The following PGBD5 variants were observed in gnomAD, a reference collection of about 807,000 sequenced individuals.
PGBD5 encodes the protein piggyBac transposable element-derived protein 5.
Under a neutral mutation model 47.9 loss-of-function variants are expected in PGBD5, and 14 were observed. The observed-to-expected ratio is 0.29, with a 90% CI of 0.19 to 0.46. The LOEUF (loss-of-function observed/expected upper bound fraction) is 0.46. PGBD5 is among the 20% of genes least tolerant of loss of function. The probability of loss-of-function intolerance (pLI) is 1.00; values close to 1 mark genes in which losing one functional copy is unlikely to be tolerated. For missense variants in PGBD5, 635 were observed against 716.0 expected, an observed-to-expected ratio of 0.89 and a Z score of 1.29; for synonymous variants, 316 against 306.3, an observed-to-expected ratio of 1.03 and a Z score of -0.33.
chr1:230,335,762 C>CAG (rs1491550071), intron 4 of PGBD5, among the ~76,000 whole-genome samples: 2 of 164 alleles, frequency 0.012, no homozygotes, highest in East Asian at 0.17. Flanking sequence ...CACAGATACA[C>CAG]AGATACAGAC....
At chr1:230,365,907 C>T (rs183736473) in intron 1 of PGBD5, among the ~76,000 whole-genome samples, 1 of 152,316 alleles carries the variant, frequency 6.6e-6, no homozygotes, top group Admixed American at 6.5e-5. Context: ...GATTTTTACC[C>T]CTTCAGCCAG....
intron 1 of PGBD5, among the ~76,000 whole-genome samples, chr1:230,393,182 A>AG (rs146902635): frequency 1.9e-3 from 82 of 42,440 alleles, no homozygotes; most frequent in Non-Finnish European, 2.8e-3. Flanking sequence ...AGGGGAAGGG[A>AG]GGGGGGGAGG....
intron 1 of PGBD5, among the ~76,000 whole-genome samples, chr1:230,363,178 C>T (rs780375832): frequency 1.3e-5 from 2 of 152,184 alleles, no homozygotes; most frequent in African/African-American, 2.4e-5. Flanking sequence ...TGGGCCTTAG[C>T]GATGCAGGTC....
chr1:230,400,853 C>T (rs1281131858), intron 1 of PGBD5, among the ~76,000 whole-genome samples: 1 of 152,170 alleles, frequency 6.6e-6, no homozygotes, highest in East Asian at 1.9e-4. Flanking sequence ...CCATCTCTAA[C>T]AAAAAGGCTG....
intron 5 of PGBD5, among the ~76,000 whole-genome samples, chr1:230,326,570 C>A (rs1190082104): frequency 6.6e-6 from 1 of 152,136 alleles, no homozygotes; most frequent in African/African-American, 2.4e-5. Context: ...GGGATACTCC[C>A]ACCTCAGCCA....
intron 1 of PGBD5, among the ~76,000 whole-genome samples, chr1:230,402,314 C>T (rs1338699575): frequency 2.6e-5 from 4 of 152,224 alleles, no homozygotes; most frequent in African/African-American, 7.2e-5. Context: ...CGTGGCCTAA[C>T]GCCTCTCCTC....
intron 1 of PGBD5, among the ~76,000 whole-genome samples, chr1:230,411,651 G>C (rs1657411820): frequency 6.6e-6 from 1 of 152,158 alleles, no homozygotes; most frequent in East Asian, 1.9e-4. Flanking sequence ...TGAGAGATGA[G>C]AAATTATTAA....
At position 230,353,025 on chromosome 1, in the gene PGBD5, A is replaced by G. The variant is rs541505962; in HGVS notation, c.760-1933T>C. 2.6e-5 allele frequency among the ~76,000 whole-genome samples: 4 copies of G among 152,286 alleles called. No individual in the cohort carries two copies. The South Asian group carries it at 8.3e-4, about 32-fold the overall frequency. On this transcript the variant is annotated intron_variant, in intron 2 of 6. Coordinates refer to ENST00000391860, the MANE Select transcript of PGBD5 (RefSeq NM_001258311.2). ...CAGTTGCAAATTTATATTTAATCACATGCCTTATCAAAGCAAAAGGGCCAG... is the reference window on the plus strand; with the variant it reads ...CAGTTGCAAATTTATATTTAATCACGTGCCTTATCAAAGCAAAAGGGCCAG...
intron 1 of PGBD5, among the ~76,000 whole-genome samples, chr1:230,371,973 G>A (rs1333264435): frequency 6.6e-6 from 1 of 152,204 alleles, no homozygotes; most frequent in African/African-American, 2.4e-5. Flanking sequence ...TGGAAGAGGA[G>A]GGGATGGGAA....
At position 230,357,980 on chromosome 1, in the gene PGBD5, A is replaced by G. The variant is rs1235947571; in HGVS notation, c.332-659T>C. Among the ~76,000 whole-genome samples, 1 of 149,090 alleles carries G rather than the reference A, an allele frequency of 6.7e-6. No individual in the cohort carries two copies. Among genetic ancestry groups the G allele is most frequent in the Admixed American group, 6.6e-5 (1 of 15,184 alleles). ...TATATACACATACATACACACACATACATACATACATACACAGGCACACAC... is the reference window on the plus strand; with the variant it reads ...TATATACACATACATACACACACATGCATACATACATACACAGGCACACAC... On this transcript the variant is annotated intron_variant, in intron 1 of 6. Coordinates refer to ENST00000391860, the MANE Select transcript of PGBD5 (RefSeq NM_001258311.2). This position sits in a 1 kb window ranked among gnomAD's most constrained non-coding sequence, Gnocchi z 5.7.
Position 230,357,361 on chromosome 1 carries a change from C to T in PGBD5, c.332-40G>A, listed in dbSNP as rs774108056. The stretch of plus-strand genomic sequence containing the variant: ...CAGGTGGAGTGTTCCTTAGGACGGC[C>T]GCCACACCCTGACTCGACACGAGAA... On this transcript the variant is annotated intron_variant, in intron 1 of 6. Transcript: ENST00000391860. The surrounding 1 kb of genome is among the most constrained non-coding windows in gnomAD (Gnocchi z 5.7). 9 of 1,586,724 alleles carry T rather than the reference C, an allele frequency of 5.7e-6. No individual in the cohort carries two copies. The highest frequency in any genetic ancestry group is 5.1e-5 in the Admixed American group (3 of 58,872).
At chr1:230,362,454 T>C in intron 1 of PGBD5, 1 of 1,246,626 alleles carries the variant, frequency 8.0e-7, no homozygotes. Flanking sequence ...CTTTCCCGCC[T>C]CAAGGCCTGA....
chr1:230,365,803 C>G (rs947028868), intron 1 of PGBD5, among the ~76,000 whole-genome samples: 1 of 152,198 alleles, frequency 6.6e-6, no homozygotes, highest in Non-Finnish European at 1.5e-5. Flanking sequence ...GGAGTAGCAG[C>G]ATTTGACATT....
intron 5 of PGBD5, 128 bp from the exon 6 acceptor site, chr1:230,325,543 G>A (rs1667102384): frequency 1.5e-6 from 1 of 683,786 alleles, no homozygotes; most frequent in East Asian, 2.6e-5. Context: ...AGGAGGGGAG[G>A]GAAGAGTTGA....
chr1:230,349,666 A>G (rs1362395043), intron 3 of PGBD5, among the ~76,000 whole-genome samples: 1 of 152,218 alleles, frequency 6.6e-6, no homozygotes, highest in Non-Finnish European at 1.5e-5. Flanking sequence ...GAAAGAATAA[A>G]TGAATGTCCC....
chr1:230,423,256 A>C (rs1370577428), intron 1 of PGBD5, among the ~76,000 whole-genome samples: 1 of 152,196 alleles, frequency 6.6e-6, no homozygotes, highest in African/African-American at 2.4e-5. Context: ...TTTCCATTAT[A>C]AAGCCTGATT....
chr1:230,385,705 A>T (rs74486547), intron 1 of PGBD5, among the ~76,000 whole-genome samples: 7,356 of 152,222 alleles, frequency 0.048, 208 homozygotes, highest in East Asian at 0.08. Flanking sequence ...AATGAGGGAG[A>T]GTGTGTGTAT....
intron 1 of PGBD5, among the ~76,000 whole-genome samples, chr1:230,379,449 T>C (rs1668060123): frequency 6.6e-6 from 1 of 152,226 alleles, no homozygotes; most frequent in African/African-American, 2.4e-5. Flanking sequence ...TTTCCATCAT[T>C]ATTAGAATTA....
chr1:230,361,534 C>A (rs1310376425), intron 1 of PGBD5, among the ~76,000 whole-genome samples: 1 of 152,162 alleles, frequency 6.6e-6, no homozygotes, highest in African/African-American at 2.4e-5. Flanking sequence ...AGACCCAGGG[C>A]AGCATGTATA....
Sources: gnomAD v4.1 joint callset for allele counts (sites outside exome capture counted in the v4.1 genomes callset) on GRCh38, gnomAD v4.1.1 for gene constraint, Gnocchi (gnomAD v3.1) non-coding constraint, MANE v1.5 for transcripts, NCBI Gene and HGNC (gene_info 2026-07-23, HGNC 2026-07-21) for gene names.